DNAJC10: variants seen among roughly 807,000 people sequenced by gnomAD.
DNAJC10 encodes the protein endoplasmic reticulum disulfide reductase DNAJC10.
DNAJC10 carries 101 observed loss-of-function variants against 115.0 expected under a neutral mutation model. That is an observed-to-expected ratio of 0.88 (90% CI 0.75 to 1.04). The LOEUF is 1.04. Among genes scored for constraint, DNAJC10 ranks in the 50% least tolerant of loss-of-function variants. The pLI is 0.00. For synonymous variants in DNAJC10, 307 were observed against 301.5 expected (o/e 1.02, Z -0.19); for missense variants, 981 against 928.8 (o/e 1.06, Z -0.73).
chr2:182,776,153 T>C (rs1489436895), intron 23 of DNAJC10, among the ~76,000 whole-genome samples: 1 of 151,962 alleles, frequency 6.6e-6, no homozygotes, highest in Non-Finnish European at 1.5e-5. Flanking sequence ...AAAAAAATAG[T>C]GACTGTGGCC....
chr2:182,729,864 A>T lies in DNAJC10; in HGVS notation c.650A>T (p.His217Leu). Residue 217 changes from histidine to leucine, a missense_variant, in exon 8 of 24, where the codon CAT becomes CTT. By Grantham distance (99) the His-to-Leu change is moderately conservative (BLOSUM62 -3). Coordinates refer to ENST00000264065, the MANE Select transcript of DNAJC10 (RefSeq NM_018981.4). Reference sequence around the variant, plus strand: ...AACCAATAGGCCCCAGTGAAATATCATGGAGACAGATCAAAGGAGAGTTTA... The same window carrying T: ...AACCAATAGGCCCCAGTGAAATATCTTGGAGACAGATCAAAGGAGAGTTTA... ...FRSGMAPVKY[H>L]GDRSKESLVS... The T allele has an allele frequency of 6.2e-7, 1 of 1,607,970 alleles. No homozygotes were observed. Among genetic ancestry groups the T allele is most frequent in the South Asian group, 1.1e-5 (1 of 89,928 alleles).
chr2:182,726,106 T>C (rs1693276137), intron 5 of DNAJC10, among the ~76,000 whole-genome samples: 1 of 152,082 alleles, frequency 6.6e-6, no homozygotes, highest in Non-Finnish European at 1.5e-5. Flanking sequence ...GGTCAAAATA[T>C]CAGTGTTACA....
intron 7 of DNAJC10, 25 bp downstream of exon 7, chr2:182,729,019 T>A (rs1262324010): frequency 1.2e-6 from 2 of 1,609,840 alleles, no homozygotes; most frequent in South Asian, 2.2e-5. Flanking sequence ...TAGCATTTTT[T>A]AAATTTGTGA....
intron 23 of DNAJC10, among the ~76,000 whole-genome samples, chr2:182,776,508 C>G (rs1694710082): frequency 6.6e-6 from 1 of 152,170 alleles, no homozygotes; most frequent in Non-Finnish European, 1.5e-5. Flanking sequence ...CGGATTCTTT[C>G]CCTATGAGGC....
Position 182,779,176 on chromosome 2 carries a change from A to AG in DNAJC10, c.*2045dup, listed in dbSNP as rs770455129. On this transcript the variant is annotated 3_prime_UTR_variant, in exon 24 of 24. Coordinates refer to ENST00000264065, the MANE Select transcript of DNAJC10 (RefSeq NM_018981.4). ...CCAGGGCCCCCTGGGAGTCATGTTA[A>AG]GAAACACGTATCATAAAGTGACATA... 9 of 152,226 alleles carry AG rather than the reference A, an allele frequency of 5.9e-5. No individual in the cohort carries two copies. Among genetic ancestry groups the AG allele is most frequent in the Non-Finnish European group, 1.3e-4 (9 of 68,046 alleles). The allele number at this position is 152,226 out of a possible 1,614,324, so 9.4% of individuals were successfully genotyped here.
In DNAJC10 at chr2:182,794,460, G is replaced by A. The variant is rs1332755527; in HGVS notation, c.*17328G>A. ...AGTGAAATAAACTTGTCACAAAAAT[G>A]CAAATTGTGTCACCAATTTTCAGCT... is the stretch of plus-strand genomic sequence containing the variant. On this transcript the variant is annotated 3_prime_UTR_variant, in exon 24 of 24. Transcript: ENST00000264065. 6.6e-6 allele frequency: 1 copy of A among 152,058 alleles called. No individual in the cohort carries two copies. Among genetic ancestry groups the A allele is most frequent in the Non-Finnish European group, 1.5e-5 (1 of 68,018 alleles). The allele number at this position is 152,058 out of a possible 1,614,324, so 9.4% of individuals were successfully genotyped here. A position where few individuals can be genotyped will look rare whatever the true frequency, so the allele number is the denominator to read the frequency against.
At chr2:182,768,944 TAG>T (rs1403746029) in intron 22 of DNAJC10, among the ~76,000 whole-genome samples, 4 of 152,226 alleles carry the variant, frequency 2.6e-5, no homozygotes, top group African/African-American at 9.6e-5. Flanking sequence ...TCATTTACAT[TAG>T]GTATTTCTCC....
At chr2:182,771,393 G>C (rs1694560215) in intron 22 of DNAJC10, among the ~76,000 whole-genome samples, 1 of 152,184 alleles carries the variant, frequency 6.6e-6, no homozygotes, top group African/African-American at 2.4e-5. Context: ...AATAGTTTCA[G>C]CAGGAATGGT....
At position 182,777,147 on chromosome 2, in the gene DNAJC10, A is replaced by G; in HGVS notation, c.*15A>G. ...ATGAACTTTGATAATGTTGAAGATGAAGAAAAAGTTTAAAAGAAATTCTGA... is the reference window on the plus strand; with the variant it reads ...ATGAACTTTGATAATGTTGAAGATGGAGAAAAAGTTTAAAAGAAATTCTGA... On this transcript the variant is annotated 3_prime_UTR_variant, in exon 24 of 24. Coordinates refer to ENST00000264065, the MANE Select transcript of DNAJC10 (RefSeq NM_018981.4). The G allele has an allele frequency of 7.2e-7, 1 of 1,393,356 alleles. No individual in the cohort carries two copies. The highest frequency in any genetic ancestry group is 1.4e-5 in the African/African-American group (1 of 69,016). The allele number at this position is 1,393,356 out of a possible 1,614,324, so 86.3% of individuals were successfully genotyped here.
intron 17 of DNAJC10, 97 bp downstream of exon 17, chr2:182,755,201 C>A: frequency 1.4e-6 from 1 of 726,604 alleles, no homozygotes; most frequent in Non-Finnish European, 2.4e-6. Context: ...TTACTCTTTT[C>A]ATGCCCAAAC....
intron 5 of DNAJC10, among the ~76,000 whole-genome samples, chr2:182,725,259 G>A (rs1378900041): frequency 1.3e-5 from 2 of 152,052 alleles, no homozygotes; most frequent in East Asian, 3.9e-4. Flanking sequence ...TACTCCCTGA[G>A]ATACAACATT....
chr2:182,749,120 A>C (rs1198135335), intron 14 of DNAJC10, among the ~76,000 whole-genome samples: 1 of 151,930 alleles, frequency 6.6e-6, no homozygotes, highest in African/African-American at 2.4e-5. Flanking sequence ...TGCTGAAAAA[A>C]ATGTATATTC....
At chr2:182,768,809 C>G (rs1694482399) in intron 22 of DNAJC10, among the ~76,000 whole-genome samples, 2 of 152,014 alleles carry the variant, frequency 1.3e-5, no homozygotes, top group Non-Finnish European at 2.9e-5. Context: ...GTTCGGTCCT[C>G]TGGGAACATC....
rs1574932592 is a variant in DNAJC10 at position 182,740,360 on chromosome 2, T to C, written c.1049T>C (p.Phe350Ser). Residue 350 changes from phenylalanine (F) to serine (S), a missense_variant, in exon 12 of 24, where the codon TTT becomes TCT. Coordinates refer to ENST00000264065, the MANE Select transcript of DNAJC10 (RefSeq NM_018981.4). ...GAAGTAATACATAATCTTCCAGATTTTGAACTACTTTCGGCAAACACACTA... is the reference window on the plus strand; with the variant it reads ...GAAGTAATACATAATCTTCCAGATTCTGAACTACTTTCGGCAAACACACTA... The part of the protein sequence containing the change: ...YLEVIHNLPD[F>S]ELLSANTLED... The C allele has an allele frequency of 6.4e-7, 1 of 1,570,534 alleles. No individual in the cohort carries two copies. Among genetic ancestry groups the C allele is most frequent in the Non-Finnish European group, 8.6e-7 (1 of 1,161,882 alleles).
intron 22 of DNAJC10, among the ~76,000 whole-genome samples, chr2:182,763,744 C>T (rs1694344200): frequency 6.6e-6 from 1 of 152,178 alleles, no homozygotes; most frequent in African/African-American, 2.4e-5. Flanking sequence ...CATGCTCCCC[C>T]GATGTCTCCC....
At position 182,780,369 on chromosome 2, in the gene DNAJC10, T is replaced by A. The variant is rs986969360; in HGVS notation, c.*3237T>A. The A allele has an allele frequency of 6.6e-6, 1 of 152,170 alleles. No homozygotes were observed. Among genetic ancestry groups the A allele is most frequent in the African/African-American group, 2.4e-5 (1 of 41,402 alleles). The allele number at this position is 152,170 out of a possible 1,614,324, so 9.4% of individuals were successfully genotyped here. A position where few individuals can be genotyped will look rare whatever the true frequency, so the allele number is the denominator to read the frequency against. On this transcript the variant is annotated 3_prime_UTR_variant, in exon 24 of 24. Coordinates refer to ENST00000264065, the MANE Select transcript of DNAJC10 (RefSeq NM_018981.4). Reference sequence around the variant, plus strand: ...TTAAAAGGAACTTGGCACCACCACCTCCTCTCTTTCTCGCTCCTTCTCTGT... The same window carrying A: ...TTAAAAGGAACTTGGCACCACCACCACCTCTCTTTCTCGCTCCTTCTCTGT...
intron 17 of DNAJC10, 148 bp from the exon 18 acceptor site, chr2:182,756,166 A>G (rs1694150415): frequency 1.5e-5 from 9 of 610,298 alleles, no homozygotes; most frequent in East Asian, 3.1e-5. Context: ...CATTCCCAAG[A>G]TATATGCAAA....
rs562320593 is a variant in DNAJC10, at chr2:182,792,279, T to TA, written c.*15148dup. On this transcript the variant is annotated 3_prime_UTR_variant, in exon 24 of 24. Coordinates refer to ENST00000264065, the MANE Select transcript of DNAJC10 (RefSeq NM_018981.4). ...AAATGCACTATCTGAAGTCTATGTT[T>TA]ATTAAATGAGGATTACAGTAGTTGG... is the stretch of plus-strand genomic sequence containing the variant. 353 of 152,348 alleles carry TA rather than the reference T, an allele frequency of 2.3e-3. 1 individual carries two copies. Among genetic ancestry groups the TA allele is most frequent in the African/African-American group, 8.1e-3 (338 of 41,590 alleles). The allele number at this position is 152,348 out of a possible 1,614,324, so 9.4% of individuals were successfully genotyped here.
chr2:182,753,030 AATT>A (rs1694064616), intron 16 of DNAJC10, among the ~76,000 whole-genome samples: 1 of 152,214 alleles, frequency 6.6e-6, no homozygotes, highest in South Asian at 2.1e-4. Context: ...GATTTCAGGT[AATT>A]ATTGTTAGTT....
Sources: allele counts gnomAD v4.1 joint callset (sites outside exome capture counted in the v4.1 genomes callset), GRCh38; gene constraint gnomAD v4.1.1; transcripts MANE v1.5; gene names NCBI Gene and HGNC (gene_info 2026-07-23, HGNC 2026-07-21).